NTRK3: variants seen among roughly 807,000 people sequenced by gnomAD.
NTRK3 encodes the protein NT-3 growth factor receptor.
In NTRK3, 24 loss-of-function variants were observed where a neutral mutation model predicts 91.7. The ratio of observed to expected loss-of-function variants is 0.26; its 90% confidence interval spans 0.19 to 0.37. The LOEUF (loss-of-function observed/expected upper bound fraction) is 0.37. NTRK3 is among the 10% of genes least tolerant of loss of function. NTRK3 has a pLI of 1.00. For missense variants in NTRK3, 880 were observed against 1,068.9 expected (o/e 0.82, Z 2.46); for synonymous variants, 483 against 404.0 (o/e 1.20, Z -2.34).
At chr15:88,195,073 TTTGA>T (rs2047702738) in intron 3 of NTRK3, among the ~76,000 whole-genome samples, 1 of 152,302 alleles carries the variant, frequency 6.6e-6, no homozygotes, top group African/African-American at 2.4e-5. Flanking sequence ...AGACATCAGT[TTTGA>T]TTGTCACTAT....
At chr15:88,065,396 G>A (rs1031974784) in intron 13 of NTRK3, among the ~76,000 whole-genome samples, 8 of 152,124 alleles carry the variant, frequency 5.3e-5, no homozygotes, top group African/African-American at 1.4e-4. Flanking sequence ...ACCTTGAAAA[G>A]CCCATATGGT....
chr15:88,064,228 C>T (rs1327502052), intron 13 of NTRK3, among the ~76,000 whole-genome samples: 1 of 152,212 alleles, frequency 6.6e-6, no homozygotes, highest in African/African-American at 2.4e-5. Flanking sequence ...CATGGCTCTG[C>T]TGATATCTTA....
chr15:88,072,473 C>CA (rs2047177800), intron 13 of NTRK3: 2 of 230,964 alleles, frequency 8.7e-6, no homozygotes, highest in African/African-American at 4.4e-5. Context: ...CTCACTCTTC[C>CA]AAGTCTTTCA....
chr15:88,041,913 A>C (rs2079664664), intron 13 of NTRK3, among the ~76,000 whole-genome samples: 1 of 151,824 alleles, frequency 6.6e-6, no homozygotes, highest in Admixed American at 6.6e-5. Flanking sequence ...TCTGTCCCAA[A>C]GTTGAGCTCA....
intron 15 of NTRK3, among the ~76,000 whole-genome samples, chr15:87,939,313 C>T (rs1201267443): frequency 1.3e-5 from 2 of 152,114 alleles, no homozygotes; most frequent in Non-Finnish European, 2.9e-5. Context: ...ATTTTAGACA[C>T]ATTATGTAAT....
At chr15:88,055,996 T>C (rs1393859945) in intron 13 of NTRK3, among the ~76,000 whole-genome samples, 1 of 151,870 alleles carries the variant, frequency 6.6e-6, no homozygotes, top group Non-Finnish European at 1.5e-5. Flanking sequence ...GGCAGCAGGA[T>C]AGTACTGCAT....
chr15:87,931,914 A>T (rs1052331957), intron 16 of NTRK3, among the ~76,000 whole-genome samples: 2 of 152,218 alleles, frequency 1.3e-5, no homozygotes, highest in Admixed American at 6.5e-5. Flanking sequence ...CCTCAGCCAC[A>T]GAGTTCAATG....
At chr15:88,193,996 C>T (rs1319826954) in intron 3 of NTRK3, among the ~76,000 whole-genome samples, 1 of 152,216 alleles carries the variant, frequency 6.6e-6, no homozygotes, top group Non-Finnish European at 1.5e-5. Context: ...TACTACTCTA[C>T]TGAAACTGCA....
intron 14 of NTRK3, among the ~76,000 whole-genome samples, chr15:88,029,044 T>C (rs2141978403): frequency 6.6e-6 from 1 of 152,350 alleles, no homozygotes; most frequent in African/African-American, 2.4e-5. Context: ...CCTTGACTTC[T>C]CATTCTATCG....
intron 14 of NTRK3, among the ~76,000 whole-genome samples, chr15:88,019,417 C>CT (rs373762468): frequency 4.6e-4 from 70 of 152,324 alleles, no homozygotes; most frequent in African/African-American, 1.7e-3. Context: ...GACATATGCC[C>CT]TCCAGGCAAC....
exon 19 of NTRK3, chr15:87,865,208 T>TA (rs2064634754): frequency 9.7e-6 from 2 of 206,630 alleles, no homozygotes; most frequent in Non-Finnish European, 2.0e-5. Context: ...TGTATAGCAT[T>TA]TTGTCAGATA....
exon 19 of NTRK3, chr15:87,876,940 C>T (rs2141434551): frequency 6.2e-7 from 1 of 1,613,804 alleles, no homozygotes; most frequent in Non-Finnish European, 8.5e-7. Context: ...CACCACTAGC[C>T]AAGAATGTCC....
At chr15:87,965,552 T>G (rs2072712608) in intron 14 of NTRK3, among the ~76,000 whole-genome samples, 1 of 152,182 alleles carries the variant, frequency 6.6e-6, no homozygotes, top group Admixed American at 6.5e-5. Flanking sequence ...GTGTGGAGAC[T>G]GTCCAGCAGG....
At chr15:87,996,120 T>TGCTACTTGGTAGTAATTACTTGGTA (rs1186844333) in intron 14 of NTRK3, among the ~76,000 whole-genome samples, 8 of 152,096 alleles carry the variant, frequency 5.3e-5, no homozygotes, top group African/African-American at 1.9e-4. Context: ...GGCACGCACC[T>TGCTACTTGGTAGTAATTACTTGGTA]GTAATCCCAG....
intron 17 of NTRK3, among the ~76,000 whole-genome samples, chr15:87,890,639 GTTA>G (rs2065810077): frequency 6.6e-6 from 1 of 151,502 alleles, no homozygotes; most frequent in Admixed American, 6.6e-5. Context: ...GTAGTTAGTA[GTTA>G]TTATTTCTGA....
intron 17 of NTRK3, 50 bp downstream of exon 18, chr15:87,885,644 G>A (rs1214979123): frequency 2.1e-6 from 2 of 958,904 alleles, no homozygotes; most frequent in Admixed American, 5.4e-5. Context: ...AGTAATTAAA[G>A]TGTTGGGACA....
chr15:87,936,486 T>C (rs2069288741), intron 15 of NTRK3, among the ~76,000 whole-genome samples: 1 of 151,694 alleles, frequency 6.6e-6, no homozygotes, highest in African/African-American at 2.4e-5. Flanking sequence ...CAACTCTTCC[T>C]GGGTCATTCA....
At chr15:88,102,657 A>T (rs1000606005) in intron 13 of NTRK3, among the ~76,000 whole-genome samples, 12 of 152,186 alleles carry the variant, frequency 7.9e-5, no homozygotes, top group African/African-American at 2.4e-4. Context: ...CATGATAATT[A>T]AAAAAAGACA....
intron 14 of NTRK3, among the ~76,000 whole-genome samples, chr15:88,031,914 C>T (rs1048285137): frequency 6.6e-6 from 1 of 152,122 alleles, no homozygotes; most frequent in African/African-American, 2.4e-5. Flanking sequence ...GAAAAGAACC[C>T]ACTGTCAGGA....
Sources: gnomAD v4.1 joint callset for allele counts (sites outside exome capture counted in the v4.1 genomes callset) on GRCh38, gnomAD v4.1.1 for gene constraint, MANE v1.5 for transcripts, NCBI Gene and HGNC (gene_info 2026-07-23, HGNC 2026-07-21) for gene names.